The following AGO4 variants were observed in gnomAD, a reference collection of about 807,000 sequenced individuals.
AGO4 encodes protein argonaute-4.
A neutral mutation model predicts 104.7 loss-of-function variants in AGO4; 33 were observed. The ratio of observed to expected loss-of-function variants is 0.32; its 90% CI spans 0.24 to 0.42. The LOEUF is 0.42. AGO4 is among the 10% of genes least tolerant of loss of function. The pLI, the probability that AGO4 is intolerant of heterozygous loss-of-function variation, is 1.00. For synonymous variants in AGO4, 331 were observed against 364.7 expected (o/e 0.91, Z 1.05); for missense variants, 711 against 1,083.4 (o/e 0.66, Z 4.83).
Position 35,808,170 on chromosome 1 carries a change from TGGC to T in AGO4, c.-223_-221del, listed in dbSNP as rs544199267. ...CGCTGGCTCCCGCTCCCGCTCCCGT[TGGC>T]GGCGGCGGCGGCGGCGGCGGCGGGG... On this transcript the variant is annotated 5_prime_UTR_variant, in exon 1 of 18. Transcript: ENST00000373210. The surrounding 1 kb of genome is among the most constrained non-coding windows in gnomAD (Gnocchi z 5.2). 1.2e-3 allele frequency: 182 copies of T among 157,540 alleles called. 1 individual carries two copies. The highest frequency in any genetic ancestry group is 1.6e-3 in the Non-Finnish European group (119 of 75,706). 9.8% of individuals were successfully genotyped at this position (157,540 alleles called of 1,614,324 possible).
At chr1:35,833,907 G>A (rs1008621075) in intron 11 of AGO4, 83 bp from the exon 12 acceptor site, 1 of 1,195,228 alleles carries the variant, frequency 8.4e-7, no homozygotes, top group African/African-American at 1.6e-5. Flanking sequence ...TTACAAAACT[G>A]AAGGAAGTAT....
intron 6 of AGO4, 95 bp from the exon 7 acceptor site, chr1:35,826,653 T>C (rs1644027258): frequency 9.0e-7 from 1 of 1,110,968 alleles, no homozygotes; most frequent in African/African-American, 1.5e-5. Context: ...TTTTATCCTG[T>C]ACAATGTCAT....
At chr1:35,833,526 T>G (rs181094780) in intron 11 of AGO4, among the ~76,000 whole-genome samples, 30 of 152,320 alleles carry the variant, frequency 2.0e-4, no homozygotes, top group Middle Eastern at 3.4e-3. Context: ...CAAGTTTGAA[T>G]GTAGTCCTAA....
rs1327077031 is a variant in AGO4, at chr1:35,826,798, G to A, written c.811G>A (p.Val271Ile). 1 of 1,614,188 alleles carries A rather than the reference G, an allele frequency of 6.2e-7. No individual in the cohort carries two copies. Among genetic ancestry groups the A allele is most frequent in the Non-Finnish European group, 8.5e-7 (1 of 1,180,034 alleles). ...HCGQMKRKYR[V>I]CNVTRRPASH... is the part of the protein sequence containing the mutation. ...TGGACAGATGAAACGAAAATACCGA[G>A]TTTGTAATGTGACTAGACGGCCAGC... The change falls in exon 7 of 18, where the codon GTT (valine) becomes ATT (isoleucine). Residue 271 changes from valine (V) to isoleucine (I), a missense_variant. By Grantham distance (29) the Val-to-Ile change is conservative. Around this residue, in one of 3 missense-constraint regions of AGO4, gnomAD observed 308 missense variants for 397.8 expected, o/e 0.77. Coordinates refer to ENST00000373210, the MANE Select transcript of AGO4 (RefSeq NM_017629.4).
At chr1:35,846,368 T>C (rs1644572645) in intron 15 of AGO4, among the ~76,000 whole-genome samples, 1 of 151,574 alleles carries the variant, frequency 6.6e-6, no homozygotes, top group Admixed American at 6.6e-5. Context: ...GAGGCTGAGG[T>C]GGGCGGATCA....
In AGO4 at chr1:35,815,741, T is replaced by C. The variant is rs1446265243; in HGVS notation, c.20-1141T>C. 3.2e-4 allele frequency among the ~76,000 whole-genome samples: 49 copies of C among 152,208 alleles called. 2 individuals are homozygous for C. The highest frequency in any genetic ancestry group is 3.0e-3 in the Admixed American group (46 of 15,270). On this transcript the variant is annotated intron_variant, in intron 1 of 17. Coordinates refer to ENST00000373210, the MANE Select transcript of AGO4 (RefSeq NM_017629.4). Reference sequence around the variant, plus strand: ...TTCTTTGTTGTGGGGGGCTATCTTATGCATTGTAGAATGCGTAGCTGTATC... The same window carrying C: ...TTCTTTGTTGTGGGGGGCTATCTTACGCATTGTAGAATGCGTAGCTGTATC...
chr1:35,849,187 G>A (rs1644642348), intron 15 of AGO4, among the ~76,000 whole-genome samples: 1 of 152,052 alleles, frequency 6.6e-6, no homozygotes, highest in Admixed American at 6.6e-5. Context: ...TGTCTGTAGA[G>A]TTTTTGCTTG....
chr1:35,826,001 A>G lies in AGO4; in HGVS notation c.701A>G (p.Asn234Ser), dbSNP rs1157415712. ...GAGGTTTTAGACATTCAGAACATCA[A>G]TGAACAGACCAAACCTCTAACAGAC... ...MCEVLDIQNINEQTKPLTDSQ... is the reference protein window; with the variant it reads ...MCEVLDIQNISEQTKPLTDSQ... The change falls in exon 6 of 18, where the codon AAT becomes AGT. Residue 234 changes from asparagine to serine, a missense_variant. Coordinates refer to ENST00000373210, the MANE Select transcript of AGO4 (RefSeq NM_017629.4). 6.2e-7 allele frequency: 1 copy of G among 1,614,216 alleles called. No individual in the cohort carries two copies. The highest frequency in any genetic ancestry group is 8.5e-7 in the Non-Finnish European group (1 of 1,180,032).
At chr1:35,816,259 G>A (rs1643690536) in intron 1 of AGO4, among the ~76,000 whole-genome samples, 1 of 152,154 alleles carries the variant, frequency 6.6e-6, no homozygotes, top group East Asian at 1.9e-4. Context: ...AATTTTGTAA[G>A]TCTAGCTATA....
At chr1:35,814,792 T>G (rs1301954678) in intron 1 of AGO4, among the ~76,000 whole-genome samples, 5 of 152,198 alleles carry the variant, frequency 3.3e-5, no homozygotes, top group African/African-American at 1.2e-4. Flanking sequence ...TTTAATACTT[T>G]AAGTGTTAGA....
Position 35,854,487 on chromosome 1 carries a change from T to A in AGO4, c.*882T>A, listed in dbSNP as rs1012360391. 2 of 152,688 alleles carry A rather than the reference T, an allele frequency of 1.3e-5. No individual in the cohort carries two copies. Among genetic ancestry groups the A allele is most frequent in the Non-Finnish European group, 2.9e-5 (2 of 68,042 alleles). 9.5% of individuals were successfully genotyped at this position (152,688 alleles called of 1,614,324 possible). A position where few individuals can be genotyped will look rare whatever the true frequency, so the allele number is the denominator to read the frequency against. Reference sequence around the variant, plus strand: ...AACTTTTCTCATAGAAACTTAACTTTGGCAATAAACATTTTTTAAGGTCTC... The same window carrying A: ...AACTTTTCTCATAGAAACTTAACTTAGGCAATAAACATTTTTTAAGGTCTC... On this transcript the variant is annotated 3_prime_UTR_variant, in exon 18 of 18. Coordinates refer to ENST00000373210, the MANE Select transcript of AGO4 (RefSeq NM_017629.4).
intron 2 of AGO4, among the ~76,000 whole-genome samples, chr1:35,818,646 A>G (rs200255796): frequency 0.082 from 5,309 of 64,542 alleles, 349 homozygotes; most frequent in East Asian, 0.54. Flanking sequence ...AGAAAGAAAG[A>G]AAGAAAGAAA....
rs1643363192 is a variant in AGO4, at chr1:35,808,282, G to T, written c.-135G>T. 3 of 367,054 alleles carry T rather than the reference G, an allele frequency of 8.2e-6. No homozygotes were observed. The South Asian group carries it at 3.1e-4, about 38-fold the overall frequency. 22.7% of individuals were successfully genotyped at this position (367,054 alleles called of 1,614,324 possible). A position where few individuals can be genotyped will look rare whatever the true frequency, so the allele number is the denominator to read the frequency against. On this transcript the variant is annotated 5_prime_UTR_variant, in exon 1 of 18. Coordinates refer to ENST00000373210, the MANE Select transcript of AGO4 (RefSeq NM_017629.4). This position sits in a 1 kb window ranked among gnomAD's most constrained non-coding sequence, Gnocchi z 5.2. The stretch of plus-strand genomic sequence containing the variant: ...GGGCGCCGCCGCCGCCCCCTGCCCA[G>T]CGCCCGCGTCTCCGCGGCGCCACCC...
At chr1:35,814,767 A>G (rs1643636479) in intron 1 of AGO4, among the ~76,000 whole-genome samples, 1 of 152,218 alleles carries the variant, frequency 6.6e-6, no homozygotes, top group African/African-American at 2.4e-5. Context: ...TGAATAATTA[A>G]TATGTAAAAT....
At chr1:35,819,571 T>C (rs1274434986) in intron 2 of AGO4, among the ~76,000 whole-genome samples, 1 of 151,636 alleles carries the variant, frequency 6.6e-6, no homozygotes, top group East Asian at 1.9e-4. Context: ...CTACTAATGA[T>C]ACAAAAATTA....
At position 35,835,874 on chromosome 1, in the gene AGO4, C is replaced by T; in HGVS notation, c.1605C>T (p.Ala535=). 6.2e-7 allele frequency: 1 copy of T among 1,613,778 alleles called. No homozygotes were observed. The highest frequency in any genetic ancestry group is 8.5e-7 in the Non-Finnish European group (1 of 1,179,878). The change falls in exon 13 of 18, where the codon GCC becomes GCT. Residue 535 remains alanine (A), a synonymous_variant. Coordinates refer to ENST00000373210, the MANE Select transcript of AGO4 (RefSeq NM_017629.4). ...KRVGDTLLGM[A]TQCVQVKNVV... ...TTGGAGATACCCTTCTAGGTATGGCCACACAGTGTGTCCAGGTAAAAAATG... is the reference window on the plus strand; with the variant it reads ...TTGGAGATACCCTTCTAGGTATGGCTACACAGTGTGTCCAGGTAAAAAATG...
intron 11 of AGO4, among the ~76,000 whole-genome samples, chr1:35,832,921 C>CTTGTT (rs1644220031): frequency 6.6e-6 from 1 of 152,132 alleles, no homozygotes; most frequent in African/African-American, 2.4e-5. Context: ...TACTAATGAG[C>CTTGTT]TTGTTTTATT....
intron 7 of AGO4, among the ~76,000 whole-genome samples, chr1:35,829,030 C>T (rs943828049): frequency 6.7e-6 from 1 of 149,748 alleles, no homozygotes; most frequent in Non-Finnish European, 1.5e-5. Context: ...AGCCCCCCCC[C>T]CCACACACAC....
At chr1:35,828,588 C>T (rs1644094056) in intron 7 of AGO4, among the ~76,000 whole-genome samples, 1 of 151,872 alleles carries the variant, frequency 6.6e-6, no homozygotes, top group Non-Finnish European at 1.5e-5. Flanking sequence ...GTCGTGATCT[C>T]TGCTCACTGC....
Sources: gnomAD v4.1 joint callset for allele counts (sites outside exome capture counted in the v4.1 genomes callset) on GRCh38, gnomAD v4.1.1 for gene constraint, gnomAD v4.1.1 regional missense constraint, Gnocchi (gnomAD v3.1) non-coding constraint, MANE v1.5 for transcripts, NCBI Gene and HGNC (gene_info 2026-07-23, HGNC 2026-07-21) for gene names.